The following SLX4IP variants were observed in gnomAD, a reference collection of about 807,000 sequenced individuals.
The protein encoded by SLX4IP is SLX4 interacting protein.
In SLX4IP, 34 loss-of-function variants were observed where a neutral mutation model predicts 32.9. The ratio of observed to expected loss-of-function variants is 1.03; its 90% CI spans 0.79 to 1.38. The LOEUF is 1.38. SLX4IP is among the 40% of genes most tolerant of loss of function. SLX4IP has a pLI of 0.00. For missense variants in SLX4IP, 444 were observed against 479.0 expected, an observed-to-expected ratio of 0.93 and a Z score of 0.68; for synonymous variants, 172 against 171.7, an observed-to-expected ratio of 1.00 and a Z score of -0.01.
chr20:10,561,340 G>C (rs6040023), intron 4 of SLX4IP, among the ~76,000 whole-genome samples: 4 of 151,640 alleles, frequency 2.6e-5, no homozygotes, highest in Admixed American at 6.6e-5. Context: ...TCTAGTGGTA[G>C]TCTTATATCC....
intron 3 of SLX4IP, among the ~76,000 whole-genome samples, chr20:10,560,332 C>T (rs1380773413): frequency 6.6e-6 from 1 of 152,220 alleles, no homozygotes; most frequent in African/African-American, 2.4e-5. Flanking sequence ...CTTATTTCTT[C>T]TATTTGTCAC....
intron 2 of SLX4IP, among the ~76,000 whole-genome samples, chr20:10,502,055 C>T (rs998934): frequency 0.12 from 18,041 of 152,116 alleles, 1,345 homozygotes; most frequent in Non-Finnish European, 0.17. Flanking sequence ...GGGGCCGAAA[C>T]GGCGGCTTAT....
intron 2 of SLX4IP, among the ~76,000 whole-genome samples, chr20:10,518,357 T>C (rs6077824): frequency 0.51 from 71,174 of 139,816 alleles, 19,928 homozygotes; most frequent in South Asian, 0.68. Flanking sequence ...CTTTCTCTCT[T>C]TCTTTCTTTC....
At chr20:10,450,474 T>C (rs557079177) in intron 1 of SLX4IP, among the ~76,000 whole-genome samples, 2 of 152,342 alleles carry the variant, frequency 1.3e-5, no homozygotes, top group East Asian at 3.9e-4. Context: ...AACTTACTTT[T>C]TTTCCACTTA....
chr20:10,449,925 T>C (rs1278543535), intron 1 of SLX4IP, among the ~76,000 whole-genome samples: 1 of 151,830 alleles, frequency 6.6e-6, no homozygotes, highest in Non-Finnish European at 1.5e-5. Context: ...ATCGTAAATG[T>C]AGCTGTTCTT....
At chr20:10,542,580 A>G (rs753033838) in intron 2 of SLX4IP, among the ~76,000 whole-genome samples, 1 of 152,218 alleles carries the variant, frequency 6.6e-6, no homozygotes, top group Non-Finnish European at 1.5e-5. Flanking sequence ...TGAGCACTAA[A>G]TGCATAAAGC....
chr20:10,509,606 G>A lies in SLX4IP; in HGVS notation c.28-46625G>A, dbSNP rs979021974. On this transcript the variant is annotated intron_variant, in intron 2 of 7. Coordinates refer to ENST00000334534, the MANE Select transcript of SLX4IP (RefSeq NM_001009608.3). ...TTTGCAGCTGATTCACTATGTGGAC[G>A]AAGATCCATCCAGAAAGATGTTCAT... Among the ~76,000 whole-genome samples the A allele has an allele frequency of 5.9e-5, 9 of 152,172 alleles. No homozygotes were observed. In the South Asian group the frequency reaches 1.0e-3, roughly 17 times the overall value.
In SLX4IP at chr20:10,566,152, C is replaced by T. The variant is rs144996614; in HGVS notation, c.238+5332C>T. The stretch of plus-strand genomic sequence containing the variant: ...TATTCCCTGTGTTCTTCGCCTGTAA[C>T]TCATCTGATTAGCATTCTTTACCTT... On this transcript the variant is annotated intron_variant, in intron 4 of 7. Coordinates refer to ENST00000334534, the MANE Select transcript of SLX4IP (RefSeq NM_001009608.3). Among the ~76,000 whole-genome samples, 200 of 152,212 alleles carry T rather than the reference C, an allele frequency of 1.3e-3. 1 individual carries two copies. The highest frequency in any genetic ancestry group is 4.6e-3 in the African/African-American group (192 of 41,524).
At chr20:10,557,539 G>A (rs1296900729) in intron 3 of SLX4IP, among the ~76,000 whole-genome samples, 1 of 152,176 alleles carries the variant, frequency 6.6e-6, no homozygotes, top group African/African-American at 2.4e-5. Context: ...ACTAACGCAT[G>A]TTGCTGTGAT....
chr20:10,515,746 C>A (rs567441592), intron 2 of SLX4IP, among the ~76,000 whole-genome samples: 2 of 152,274 alleles, frequency 1.3e-5, no homozygotes, highest in East Asian at 3.9e-4. Flanking sequence ...AATTTAAAAA[C>A]TTTGCTTTTA....
chr20:10,566,745 T>C (rs897725310), intron 4 of SLX4IP, among the ~76,000 whole-genome samples: 17 of 152,196 alleles, frequency 1.1e-4, no homozygotes, highest in African/African-American at 7.2e-5. Flanking sequence ...TGTAAGACCA[T>C]TGAATTTTAC....
At chr20:10,551,727 G>A (rs2066219874) in intron 2 of SLX4IP, among the ~76,000 whole-genome samples, 1 of 152,162 alleles carries the variant, frequency 6.6e-6, no homozygotes, top group Non-Finnish European at 1.5e-5. Flanking sequence ...CCACACTCCT[G>A]CTAGGGTTCG....
At chr20:10,465,810 A>C (rs1398693698) in intron 2 of SLX4IP, among the ~76,000 whole-genome samples, 1 of 152,214 alleles carries the variant, frequency 6.6e-6, no homozygotes, top group South Asian at 2.1e-4. Flanking sequence ...CCGGCCTACA[A>C]ATATATCTTT....
At chr20:10,497,729 T>G (rs6039990) in intron 2 of SLX4IP, among the ~76,000 whole-genome samples, 18,108 of 152,192 alleles carry the variant, frequency 0.12, 1,350 homozygotes, top group Non-Finnish European at 0.17. Context: ...ATTTTTCTGG[T>G]TATTGACTTT....
rs537152543 is a variant in SLX4IP at position 10,463,771 on chromosome 20, T to C, written c.27+5540T>C. Among the ~76,000 whole-genome samples, 7 of 152,310 alleles carry C rather than the reference T, an allele frequency of 4.6e-5. No individual in the cohort carries two copies. The East Asian group carries it at 1.4e-3, about 29-fold the overall frequency. On this transcript the variant is annotated intron_variant, in intron 2 of 7. Transcript: ENST00000334534. Reference sequence around the variant, plus strand: ...AGGAAATTAAGCATAGTATACTACGTGGCTCAACTTTTTGTTCTTCTTGTT... The same window carrying C: ...AGGAAATTAAGCATAGTATACTACGCGGCTCAACTTTTTGTTCTTCTTGTT...
intron 2 of SLX4IP, among the ~76,000 whole-genome samples, chr20:10,537,985 G>C (rs1290924739): frequency 6.6e-6 from 1 of 152,142 alleles, no homozygotes. Context: ...TATAGAGCTG[G>C]GGTAGTTTGT....
chr20:10,522,185 T>G (rs1815020381), intron 2 of SLX4IP, among the ~76,000 whole-genome samples: 1 of 152,216 alleles, frequency 6.6e-6, no homozygotes, highest in African/African-American at 2.4e-5. Context: ...TGTTTTGATC[T>G]TCTGCTCTCA....
intron 2 of SLX4IP, among the ~76,000 whole-genome samples, chr20:10,550,507 A>T (rs2066207156): frequency 2.0e-5 from 3 of 151,732 alleles, no homozygotes; most frequent in South Asian, 4.2e-4. Flanking sequence ...TCACCTCGAG[A>T]TCACCTTGCT....
chr20:10,601,899 C>T (rs1055337953), intron 6 of SLX4IP, 80 bp downstream of exon 6: 18 of 1,275,904 alleles, frequency 1.4e-5, no homozygotes, highest in Admixed American at 1.3e-4. Context: ...CAAGAATTGT[C>T]TGCTGTTGTC....
Sources: allele counts gnomAD v4.1 joint callset (sites outside exome capture counted in the v4.1 genomes callset), GRCh38; gene constraint gnomAD v4.1.1; transcripts MANE v1.5; gene names NCBI Gene and HGNC (gene_info 2026-07-23, HGNC 2026-07-21).